Variants in SVIL observed in about 807,000 individuals in gnomAD.
SVIL encodes the protein archvillin.
SVIL carries 101 observed loss-of-function variants against 240.4 expected under a neutral mutation model. The observed-to-expected ratio is 0.42, with a 90% CI of 0.36 to 0.50. The LOEUF is 0.50. SVIL is among the 20% of genes least tolerant of loss of function. The pLI, the probability that SVIL is intolerant of heterozygous loss-of-function variation, is 0.01. For missense variants in SVIL, 2,512 were observed against 2,818.7 expected (o/e 0.89, Z 2.46); for synonymous variants, 999 against 1,100.0 (o/e 0.91, Z 1.82).
chr10:29,476,066 G>C (rs556241228), intron 29 of SVIL, among the ~76,000 whole-genome samples: 30 of 152,170 alleles, frequency 2.0e-4, no homozygotes, highest in African/African-American at 7.0e-4. Context: ...GTTAAGTTTG[G>C]GTGTTTTTGA....
chr10:29,555,103 C>T lies in SVIL; in HGVS notation c.-45G>A, dbSNP rs1276911003. 9 of 1,606,520 alleles carry T rather than the reference C, an allele frequency of 5.6e-6. No homozygotes were observed. Among genetic ancestry groups the T allele is most frequent in the Non-Finnish European group, 7.6e-6 (9 of 1,178,022 alleles). On this transcript the variant is annotated 5_prime_UTR_variant, in exon 4 of 38. Transcript: ENST00000355867. The stretch of plus-strand genomic sequence containing the variant: ...TTTGGTTCAAAGATTTGTCTTAATT[C>T]TGCAACTGGAAGAAAACCAAAAAAG...
chr10:29,558,948 A>T (rs1020636739), intron 3 of SVIL, among the ~76,000 whole-genome samples: 134 of 142,310 alleles, frequency 9.4e-4, no homozygotes, highest in East Asian at 7.7e-3. Context: ...TATATATATA[A>T]AAAATATGGT....
At chr10:29,671,537 C>T (rs1421668050) in intron 2 of SVIL, among the ~76,000 whole-genome samples, 1 of 152,192 alleles carries the variant, frequency 6.6e-6, no homozygotes, top group Non-Finnish European at 1.5e-5. Context: ...TTTAAGATGT[C>T]AAGGATGCAT....
At chr10:29,555,595 A>G (rs1013488255) in intron 3 of SVIL, among the ~76,000 whole-genome samples, 4 of 152,230 alleles carry the variant, frequency 2.6e-5, no homozygotes, top group African/African-American at 9.6e-5. Context: ...TTGGCTAAGA[A>G]GTAAAATCCT....
chr10:29,501,625 T>C (rs1156808198), intron 17 of SVIL, among the ~76,000 whole-genome samples: 1 of 152,188 alleles, frequency 6.6e-6, no homozygotes, highest in Non-Finnish European at 1.5e-5. Context: ...ACCTGAACAT[T>C]TCCCCTCGTG....
upstream of SVIL, among the ~76,000 whole-genome samples, chr10:29,636,726 A>T (rs1958322685): frequency 6.6e-6 from 1 of 152,232 alleles, no homozygotes; most frequent in Non-Finnish European, 1.5e-5. Context: ...CACACAAAAG[A>T]TGTCAATTGT....
intron 1 of SVIL, among the ~76,000 whole-genome samples, chr10:29,628,002 TAG>T (rs1368026456): frequency 2.0e-5 from 3 of 152,236 alleles, no homozygotes; most frequent in African/African-American, 7.2e-5. Flanking sequence ...CTCAAACCTA[TAG>T]AGTTATTAGC....
rs1400729080 is a variant in SVIL at position 29,554,983 on chromosome 10, A to G, written c.9-49T>C. 6 of 1,610,196 alleles carry G rather than the reference A, an allele frequency of 3.7e-6. No individual in the cohort carries two copies. In the East Asian group the frequency reaches 1.3e-4, roughly 36 times the overall value. On this transcript the variant is annotated intron_variant, in intron 4 of 37. Coordinates refer to ENST00000355867, the MANE Select transcript of SVIL (RefSeq NM_021738.3). The stretch of plus-strand genomic sequence containing the variant: ...AGAGTGAGCAACAGCGATCGAATCT[A>G]AAGGAAAATGGAATACTGCTTTGCC...
At chr10:29,546,078 A>G (rs908663510) in intron 6 of SVIL, among the ~76,000 whole-genome samples, 6 of 152,164 alleles carry the variant, frequency 3.9e-5, no homozygotes, top group Non-Finnish European at 5.9e-5. Context: ...TGAGATGCAT[A>G]AAGTAACAAA....
At chr10:29,559,663 T>A (rs1288756430) in intron 3 of SVIL, among the ~76,000 whole-genome samples, 5 of 152,228 alleles carry the variant, frequency 3.3e-5, no homozygotes, top group Non-Finnish European at 5.9e-5. Context: ...TCCAAACATA[T>A]CCACCTGTCC....
chr10:29,509,356 A>AGAGAGAGAGAGAGAGAG (rs1949642530), intron 17 of SVIL, among the ~76,000 whole-genome samples: 1 of 120,060 alleles, frequency 8.3e-6, no homozygotes, highest in Non-Finnish European at 1.9e-5. Flanking sequence ...AGAGAGAGAG[A>AGAGAGAGAGAGAGAGAG]GAGAGAGAGA....
chr10:29,553,917 G>A (rs1260058984), intron 5 of SVIL, among the ~76,000 whole-genome samples: 1 of 152,194 alleles, frequency 6.6e-6, no homozygotes, highest in Non-Finnish European at 1.5e-5. Context: ...GCCGCTCCCT[G>A]TACTGGGGTA....
chr10:29,544,730 T>A (rs1230699506), intron 6 of SVIL, among the ~76,000 whole-genome samples: 1 of 126,238 alleles, frequency 7.9e-6, no homozygotes, highest in Non-Finnish European at 1.6e-5. Context: ...CACTCCAGCC[T>A]GGGCAACAGA....
At chr10:29,509,705 C>A (rs1472588250) in intron 17 of SVIL, among the ~76,000 whole-genome samples, 2 of 152,106 alleles carry the variant, frequency 1.3e-5, no homozygotes, top group Non-Finnish European at 2.9e-5. Flanking sequence ...AAAAAATTAG[C>A]TGGGCATGGT....
chr10:29,508,265 C>A (rs1476498055), intron 17 of SVIL: 1 of 1,010,328 alleles, frequency 9.9e-7, no homozygotes, highest in Non-Finnish European at 1.4e-6. Flanking sequence ...GAAGGAACCA[C>A]CCAGGATCAG....
chr10:29,724,003 A>G (rs1428731717), intron 1 of SVIL, among the ~76,000 whole-genome samples: 2 of 152,190 alleles, frequency 1.3e-5, no homozygotes, highest in African/African-American at 2.4e-5. Context: ...TTGTGTTTAG[A>G]GAGACTTGGG....
At chr10:29,637,403 C>G (rs1328505362), upstream of SVIL, among the ~76,000 whole-genome samples, 5 of 152,130 alleles carry the variant, frequency 3.3e-5, no homozygotes, top group Non-Finnish European at 5.9e-5. Context: ...AGGAGCATCG[C>G]TTGAACCCAA....
intron 1 of SVIL, among the ~76,000 whole-genome samples, chr10:29,588,945 T>G (rs114075125): frequency 0.02 from 3,019 of 149,456 alleles, 99 homozygotes; most frequent in African/African-American, 0.067. Context: ...CTTAAAATAC[T>G]GAAGTCCTCA....
chr10:29,571,130 A>G (rs2132725259), intron 1 of SVIL, among the ~76,000 whole-genome samples: 1 of 152,326 alleles, frequency 6.6e-6, no homozygotes, highest in African/African-American at 2.4e-5. Context: ...GAGATTTTTC[A>G]CAGTGCAGGA....
Sources: allele counts gnomAD v4.1 joint callset (sites outside exome capture counted in the v4.1 genomes callset), GRCh38; gene constraint gnomAD v4.1.1; transcripts MANE v1.5; gene names NCBI Gene and HGNC (gene_info 2026-07-23, HGNC 2026-07-21).